Variants in TMEM131 observed in about 807,000 individuals in gnomAD.
TMEM131 encodes transmembrane protein 131.
TMEM131 carries 66 observed loss-of-function variants against 211.6 expected under a neutral mutation model. The observed-to-expected ratio is 0.31, with a 90% CI of 0.26 to 0.38. The LOEUF is 0.38. Ranked by LOEUF, TMEM131 falls within the 10% of genes least tolerant of loss-of-function variation. TMEM131 has a pLI of 1.00. For missense variants in TMEM131, 2,036 were observed against 2,299.3 expected (o/e 0.89, Z 2.34); for synonymous variants, 844 against 841.3 (o/e 1.00, Z -0.06).
intron 1 of TMEM131, among the ~76,000 whole-genome samples, chr2:97,988,333 A>G (rs1327029415): frequency 1.3e-5 from 2 of 152,238 alleles, no homozygotes; most frequent in African/African-American, 4.8e-5. Context: ...AGACCGAAAC[A>G]TAAGACCCAA....
intron 31 of TMEM131, among the ~76,000 whole-genome samples, chr2:97,785,579 AG>A (rs1305547974): frequency 2.0e-5 from 3 of 152,238 alleles, no homozygotes; most frequent in Admixed American, 2.0e-4. Context: ...AATGTAATAC[AG>A]CACAGTCATT....
rs150966610 is a variant in TMEM131, at chr2:97,967,072, G to A, written c.187+28404C>T. Reference sequence around the variant, plus strand: ...AACGGCACACTTCTTAGATGGGGGCGGTGAGTCAGATGGAACTTATGGAGT... The same window carrying A: ...AACGGCACACTTCTTAGATGGGGGCAGTGAGTCAGATGGAACTTATGGAGT... On this transcript the variant is annotated intron_variant, in intron 1 of 40. Coordinates refer to ENST00000186436, the MANE Select transcript of TMEM131 (RefSeq NM_015348.2). Among the ~76,000 whole-genome samples the A allele has an allele frequency of 5.8e-3, 879 of 152,158 alleles. 13 individuals carry two copies. The highest frequency in any genetic ancestry group is 0.019 in the African/African-American group (770 of 41,488).
At chr2:97,846,850 A>G (rs1683462567) in intron 5 of TMEM131, among the ~76,000 whole-genome samples, 1 of 152,168 alleles carries the variant, frequency 6.6e-6, no homozygotes, top group Admixed American at 6.5e-5. Flanking sequence ...CAAGGCAAGG[A>G]TGCCCTCTCT....
At position 97,927,477 on chromosome 2, in the gene TMEM131, C is replaced by T; in HGVS notation, c.198G>A (p.Gln66=). 2 of 1,579,260 alleles carry T rather than the reference C, an allele frequency of 1.3e-6. No individual in the cohort carries two copies. Among genetic ancestry groups the T allele is most frequent in the Non-Finnish European group, 1.7e-6 (2 of 1,164,066 alleles). ...AARAEKEAFV[Q]SESIIEVLRF... ...GCAGTACTTCTATTATGCTCTCTGA[C>T]TGAACGAATGCTGTGAAGAAAACAA... Residue 66 remains glutamine (Q), a synonymous_variant, in exon 2 of 41, where the codon CAG becomes CAA. Coordinates refer to ENST00000186436, the MANE Select transcript of TMEM131 (RefSeq NM_015348.2).
At chr2:97,759,916 G>A (rs1678729187) in intron 38 of TMEM131, 167 bp from the exon 39 acceptor site, 1 of 606,304 alleles carries the variant, frequency 1.6e-6, no homozygotes, top group Non-Finnish European at 3.0e-6. Flanking sequence ...TTACCACAAG[G>A]GTTGAGTCGG....
At chr2:97,971,762 T>A (rs1437973681) in intron 1 of TMEM131, among the ~76,000 whole-genome samples, 3 of 152,198 alleles carry the variant, frequency 2.0e-5, no homozygotes, top group South Asian at 4.1e-4. Context: ...CTCAGGGGGC[T>A]GAGGCAGGAG....
intron 1 of TMEM131, among the ~76,000 whole-genome samples, chr2:97,968,013 A>C (rs1679133333): frequency 1.3e-5 from 2 of 152,000 alleles, no homozygotes; most frequent in Admixed American, 6.6e-5. Flanking sequence ...AAAATGAGTT[A>C]CTTATTCTAA....
At chr2:97,809,294 T>C (rs1053937111) in intron 19 of TMEM131, among the ~76,000 whole-genome samples, 5 of 152,236 alleles carry the variant, frequency 3.3e-5, no homozygotes, top group Admixed American at 2.6e-4. Flanking sequence ...TTACTGCCTC[T>C]GCATCCCTGT....
intron 1 of TMEM131, among the ~76,000 whole-genome samples, chr2:97,988,940 G>C: frequency 6.6e-6 from 1 of 152,146 alleles, no homozygotes; most frequent in East Asian, 1.9e-4. Flanking sequence ...CCAGGGTCTT[G>C]AAGAGATATT....
At chr2:97,955,411 CT>C (rs1678523184) in intron 1 of TMEM131, among the ~76,000 whole-genome samples, 1 of 152,044 alleles carries the variant, frequency 6.6e-6, no homozygotes, top group South Asian at 2.1e-4. Context: ...TGATCCACAA[CT>C]TTTTTTCAGC....
chr2:97,845,123 C>T (rs923726717), intron 5 of TMEM131, among the ~76,000 whole-genome samples: 5 of 149,226 alleles, frequency 3.4e-5, no homozygotes, highest in Admixed American at 1.3e-4. Context: ...TAATGTAGTG[C>T]AACAAAAGAA....
chr2:97,870,303 A>G (rs916602035), intron 4 of TMEM131, among the ~76,000 whole-genome samples: 2 of 152,176 alleles, frequency 1.3e-5, no homozygotes, highest in East Asian at 1.9e-4. Flanking sequence ...ATTCTGGTCT[A>G]TCTTAGAATT....
intron 15 of TMEM131, 59 bp downstream of exon 15, chr2:97,813,912 T>C: frequency 7.5e-7 from 1 of 1,328,740 alleles, no homozygotes; most frequent in Non-Finnish European, 1.0e-6. Context: ...CCTAATAAGA[T>C]CTGAAAACAT....
At chr2:97,913,050 C>T (rs1352030554) in intron 2 of TMEM131, 1 of 152,176 alleles carries the variant, frequency 6.6e-6, no homozygotes, top group African/African-American at 2.4e-5. Context: ...AGAAGCATTT[C>T]TCTGTGTGCG....
chr2:97,822,022 C>T (rs1272646413), intron 11 of TMEM131, among the ~76,000 whole-genome samples: 1 of 152,168 alleles, frequency 6.6e-6, no homozygotes, highest in African/African-American at 2.4e-5. Context: ...GCGAGACTTG[C>T]CTATCTATCC....
At chr2:97,815,341 C>A (rs534041402) in intron 12 of TMEM131, 34 bp from the exon 13 acceptor site, 2 of 1,305,392 alleles carry the variant, frequency 1.5e-6, no homozygotes, top group Admixed American at 5.3e-5. Flanking sequence ...TCTCTGTTAC[C>A]TTTTACTACC....
At chr2:97,978,662 G>A (rs1679654407) in intron 1 of TMEM131, among the ~76,000 whole-genome samples, 1 of 152,164 alleles carries the variant, frequency 6.6e-6, no homozygotes. Flanking sequence ...ACCATACCCA[G>A]CCCAAGCTTC....
intron 13 of TMEM131, 143 bp from the exon 14 acceptor site, chr2:97,814,531 G>A: frequency 1.2e-6 from 1 of 861,084 alleles, no homozygotes. Context: ...ATATTTTAGT[G>A]ATTGACTATA....
chr2:97,830,093 T>G (rs542624705), intron 11 of TMEM131, among the ~76,000 whole-genome samples: 1 of 143,320 alleles, frequency 7.0e-6, no homozygotes, highest in African/African-American at 2.5e-5. Flanking sequence ...AAAACTCATG[T>G]TTTATACAAA....
Sources: gnomAD v4.1 joint callset for allele counts (sites outside exome capture counted in the v4.1 genomes callset) on GRCh38, gnomAD v4.1.1 for gene constraint, MANE v1.5 for transcripts, NCBI Gene and HGNC (gene_info 2026-07-23, HGNC 2026-07-21) for gene names.